The following SGK3 variants were observed in gnomAD, a reference collection of about 807,000 sequenced individuals.
The protein encoded by SGK3 is serine/threonine-protein kinase Sgk3.
Under a neutral mutation model 68.5 loss-of-function variants are expected in SGK3, and 47 were observed. The ratio of observed to expected loss-of-function variants is 0.69; its 90% CI spans 0.54 to 0.87. The LOEUF (loss-of-function observed/expected upper bound fraction) is 0.87. Ranked by LOEUF, SGK3 falls within the 40% of genes least tolerant of loss-of-function variation. The probability of loss-of-function intolerance (pLI) is 0.00; values close to 1 mark genes in which losing one functional copy is unlikely to be tolerated. For synonymous variants in SGK3, 181 were observed against 189.1 expected (o/e 0.96, Z 0.35); for missense variants, 479 against 575.5 (o/e 0.83, Z 1.72).
At chr8:66,723,177 G>A (rs1187198327) in intron 1 of SGK3, among the ~76,000 whole-genome samples, 2 of 120,962 alleles carry the variant, frequency 1.7e-5, no homozygotes, top group Admixed American at 1.1e-4. Flanking sequence ...TGGGCACAGC[G>A]ACTTACGCCT....
At chr8:66,723,811 A>T (rs1804894875) in intron 1 of SGK3, among the ~76,000 whole-genome samples, 1 of 152,188 alleles carries the variant, frequency 6.6e-6, no homozygotes, top group African/African-American at 2.4e-5. Flanking sequence ...TACACAGTTG[A>T]CAATTTAGTC....
chr8:66,770,924 G>A (rs1806489708), intron 1 of SGK3, among the ~76,000 whole-genome samples: 1 of 152,190 alleles, frequency 6.6e-6, no homozygotes, highest in African/African-American at 2.4e-5. Context: ...ATCATGGTGT[G>A]TAAGGTATCT....
At chr8:66,832,738 CA>C (rs745937597) in intron 8 of SGK3, among the ~76,000 whole-genome samples, 9,207 of 136,974 alleles carry the variant, frequency 0.067, 316 homozygotes, top group Non-Finnish European at 0.092. Flanking sequence ...GACCCCATCT[CA>C]AAAAAAAAAA....
At chr8:66,715,856 A>G (rs1804617628) in intron 1 of SGK3, among the ~76,000 whole-genome samples, 1 of 152,140 alleles carries the variant, frequency 6.6e-6, no homozygotes, top group Non-Finnish European at 1.5e-5. Context: ...GAGAGATGGG[A>G]TGGCCTTTCC....
chr8:66,782,709 A>G (rs539738978), intron 1 of SGK3, among the ~76,000 whole-genome samples: 1 of 152,286 alleles, frequency 6.6e-6, no homozygotes, highest in South Asian at 2.1e-4. Context: ...CTAGAATGTC[A>G]TATAATTGGA....
intron 14 of SGK3, 79 bp downstream of exon 14, chr8:66,843,626 C>A: frequency 7.2e-7 from 1 of 1,393,030 alleles, no homozygotes; most frequent in Admixed American, 1.8e-5. Context: ...CCTTAAGAAT[C>A]TCATGGACAC....
At position 66,860,928 on chromosome 8, in the gene SGK3, T is replaced by A. The variant is rs1810726623; in HGVS notation, c.*1347T>A. On this transcript the variant is annotated 3_prime_UTR_variant, in exon 17 of 17. Transcript: ENST00000521198. The stretch of plus-strand genomic sequence containing the variant: ...ATTTGAGCTCAGGAGTTTGAGACCA[T>A]CCTGGGCAACATGGCGAAACCCTAT... 6.6e-6 allele frequency: 1 copy of A among 151,258 alleles called. No homozygotes were observed. The highest frequency in any genetic ancestry group is 2.1e-4 in the South Asian group (1 of 4,764). 9.4% of individuals were successfully genotyped at this position (151,258 alleles called of 1,614,324 possible). A position where few individuals can be genotyped will look rare whatever the true frequency, so the allele number is the denominator to read the frequency against.
At chr8:66,833,295 T>A (rs1261136430) in intron 8 of SGK3, among the ~76,000 whole-genome samples, 1 of 152,008 alleles carries the variant, frequency 6.6e-6, no homozygotes, top group Non-Finnish European at 1.5e-5. Flanking sequence ...CATGAGCCAC[T>A]GTGCCCACCC....
chr8:66,838,729 G>A (rs573670969), intron 10 of SGK3, among the ~76,000 whole-genome samples: 152 of 152,234 alleles, frequency 1.0e-3, no homozygotes, highest in African/African-American at 3.6e-3. Flanking sequence ...TGCCAGGGTG[G>A]GTGGAGGAGA....
intron 1 of SGK3, among the ~76,000 whole-genome samples, chr8:66,739,627 C>T (rs955659830): frequency 2.0e-5 from 3 of 152,058 alleles, no homozygotes; most frequent in Admixed American, 1.3e-4. Flanking sequence ...AACTTCTGAC[C>T]TCAGGTAATC....
intron 6 of SGK3, among the ~76,000 whole-genome samples, chr8:66,826,636 CTTTAT>C (rs567720764): frequency 2.8e-4 from 42 of 151,876 alleles, no homozygotes; most frequent in Admixed American, 4.6e-4. Context: ...TGAGAAACTT[CTTTAT>C]TTTATTTTAT....
At chr8:66,789,207 A>G (rs375710415) in intron 1 of SGK3, among the ~76,000 whole-genome samples, 2 of 152,190 alleles carry the variant, frequency 1.3e-5, no homozygotes, top group Non-Finnish European at 2.9e-5. Flanking sequence ...ATGGTAATCC[A>G]TAGTCATGTT....
At chr8:66,829,520 G>A (rs1809212421) in intron 7 of SGK3, among the ~76,000 whole-genome samples, 1 of 152,202 alleles carries the variant, frequency 6.6e-6, no homozygotes, top group South Asian at 2.1e-4. Context: ...CCTGAAGTCA[G>A]GGGAAGAGTG....
chr8:66,777,428 A>G (rs1326868054), intron 1 of SGK3, among the ~76,000 whole-genome samples: 3 of 152,160 alleles, frequency 2.0e-5, no homozygotes, highest in African/African-American at 7.2e-5. Context: ...TTCCAACAAG[A>G]CTAGTAATTA....
At chr8:66,756,816 CCT>C (rs1805992717) in intron 1 of SGK3, among the ~76,000 whole-genome samples, 1 of 151,344 alleles carries the variant, frequency 6.6e-6, no homozygotes, top group South Asian at 2.1e-4. Context: ...GTCTTGAACT[CCT>C]AAGCTCAAGC....
In SGK3 at chr8:66,859,634, A is replaced by C. The variant is rs1372422796; in HGVS notation, c.*53A>C. 6.6e-7 allele frequency: 1 copy of C among 1,517,710 alleles called. No homozygotes were observed. The highest frequency in any genetic ancestry group is 1.4e-5 in the African/African-American group (1 of 73,156). 94.0% of individuals were successfully genotyped at this position (1,517,710 alleles called of 1,614,324 possible). On this transcript the variant is annotated 3_prime_UTR_variant, in exon 17 of 17. Coordinates refer to ENST00000521198, the MANE Select transcript of SGK3 (RefSeq NM_001033578.3). ...CAAAATAAGTCTATAGATGGGACTG[A>C]AACTTCTATTTGTGTGAATATATTC...
At chr8:66,823,448 G>T (rs1808928580) in intron 6 of SGK3, among the ~76,000 whole-genome samples, 1 of 149,824 alleles carries the variant, frequency 6.7e-6, no homozygotes, top group South Asian at 2.1e-4. Context: ...GCCTAGGCCA[G>T]AGTCAGTGGC....
In SGK3 at chr8:66,823,599, T is replaced by C. The variant is rs538708018; in HGVS notation, c.417+1140T>C. The stretch of plus-strand genomic sequence containing the variant: ...TTTTAGTAGAGATGGAGTTTCACCA[T>C]ATTTGCCAGGCTGCTCTCAAACTCC... On this transcript the variant is annotated intron_variant, in intron 6 of 16. Coordinates refer to ENST00000521198, the MANE Select transcript of SGK3 (RefSeq NM_001033578.3). Among the ~76,000 whole-genome samples, 6 of 152,228 alleles carry C rather than the reference T, an allele frequency of 3.9e-5. No homozygotes were observed. The South Asian group carries it at 1.2e-3, about 32-fold the overall frequency.
chr8:66,831,388 C>G, intron 8 of SGK3, 77 bp downstream of exon 8: 1 of 1,557,146 alleles, frequency 6.4e-7, no homozygotes, highest in South Asian at 1.1e-5. Flanking sequence ...ACTCTGTTGT[C>G]CAGGCTGGAG....
Sources: allele counts gnomAD v4.1 joint callset (sites outside exome capture counted in the v4.1 genomes callset), GRCh38; gene constraint gnomAD v4.1.1; transcripts MANE v1.5; gene names NCBI Gene and HGNC (gene_info 2026-07-23, HGNC 2026-07-21).